CENPH: variants seen among roughly 807,000 people sequenced by gnomAD.
CENPH encodes the protein CENP-H.
In CENPH, 40 loss-of-function variants were observed where a neutral mutation model predicts 42.9. The observed-to-expected ratio is 0.93, with a 90% confidence interval of 0.72 to 1.21. CENPH has a LOEUF of 1.21. CENPH is among the 50% of genes most tolerant of loss of function. CENPH has a pLI of 0.00. For synonymous variants in CENPH, 88 were observed against 96.5 expected, an observed-to-expected ratio of 0.91 and a Z score of 0.52; for missense variants, 302 against 292.9, an observed-to-expected ratio of 1.03 and a Z score of -0.23.
intron 4 of CENPH, 81 bp from the exon 5 acceptor site, chr5:69,196,972 A>G (rs1300474443): frequency 3.5e-6 from 3 of 849,358 alleles, no homozygotes; most frequent in Admixed American, 2.7e-5. Flanking sequence ...AGGGAAATCA[A>G]TCTTTTTCAT....
At position 69,192,963 on chromosome 5, in the gene CENPH, G is replaced by T. The variant is rs144188553; in HGVS notation, c.190+1113G>T. ...AATACAAAATTAGCTGGGCGTGGTG[G>T]TGCATGCCTATAAGCTCAGCTACTC... On this transcript the variant is annotated intron_variant, in intron 2 of 8. Coordinates refer to ENST00000283006, the MANE Select transcript of CENPH (RefSeq NM_022909.4). Among the ~76,000 whole-genome samples, 148 of 140,872 alleles carry T rather than the reference G, an allele frequency of 1.1e-3. 1 individual carries two copies. The highest frequency in any genetic ancestry group is 3.9e-3 in the African/African-American group (144 of 36,484). The allele number at this position is 140,872 out of a possible 152,430, so 92.4% of individuals were successfully genotyped here.
At chr5:69,201,844 C>T (rs1580227808) in intron 5 of CENPH, among the ~76,000 whole-genome samples, 1 of 152,064 alleles carries the variant, frequency 6.6e-6, no homozygotes, top group Non-Finnish European at 1.5e-5. Context: ...GGTGGCAGAG[C>T]GAGACCCTGT....
intron 7 of CENPH, among the ~76,000 whole-genome samples, chr5:69,204,919 C>CTTT (rs375795328): frequency 2.0e-5 from 2 of 99,424 alleles, no homozygotes; most frequent in Non-Finnish European, 2.0e-5. Flanking sequence ...TTTTCTTTTT[C>CTTT]TTTTTTTTTT....
chr5:69,208,005 A>T, intron 7 of CENPH, 191 bp from the exon 8 acceptor site: 1 of 376,966 alleles, frequency 2.7e-6, no homozygotes, highest in South Asian at 4.7e-5. Context: ...CTAAGTACGA[A>T]ATTAAAATAT....
chr5:69,205,071 A>C (rs1377323527), intron 7 of CENPH, among the ~76,000 whole-genome samples: 1 of 150,656 alleles, frequency 6.6e-6, no homozygotes, highest in Non-Finnish European at 1.5e-5. Flanking sequence ...GGCACCCGCC[A>C]CCACGCCCAG....
chr5:69,191,827 A>C lies in CENPH; in HGVS notation c.167A>C (p.Glu56Ala). ...LRAQTKQQLLEYKSMVDASEE... is the reference protein window; with the variant it reads ...LRAQTKQQLLAYKSMVDASEE... ...GCACAGACAAAACAACAACTCTTAG[A>C]ATATAAATCAATGGTTGATGCAAGT... Residue 56 changes from glutamate (E) to alanine (A), a missense_variant, in exon 2 of 9, where the codon GAA (glutamate) becomes GCA (alanine). Transcript: ENST00000283006. 1.3e-6 allele frequency: 2 copies of C among 1,543,630 alleles called. No homozygotes were observed. Among genetic ancestry groups the C allele is most frequent in the South Asian group, 2.2e-5 (2 of 89,464 alleles).
chr5:69,189,711 C>G lies in CENPH; in HGVS notation c.77C>G (p.Pro26Arg). 2 of 1,565,630 alleles carry G rather than the reference C, an allele frequency of 1.3e-6. No individual in the cohort carries two copies. The highest frequency in any genetic ancestry group is 1.2e-5 in the South Asian group (1 of 86,250). The part of the protein sequence containing the change: ...SGGEGRAGGP[P>R]QVAGAQAACS... ...GGGGAAGGCCGGGCAGGCGGGCCAC[C>G]GCAGGTCGCCGGCGCCCAGGCGGCG... is the stretch of plus-strand genomic sequence containing the variant. The change falls in exon 1 of 9, where the codon CCG becomes CGG. Residue 26 changes from proline to arginine, a missense_variant. Physicochemically the swap from Pro to Arg is moderately radical, Grantham distance 103. Transcript: ENST00000283006.
intron 5 of CENPH, among the ~76,000 whole-genome samples, chr5:69,201,010 A>G (rs62371227): frequency 1.3e-5 from 2 of 148,854 alleles, no homozygotes; most frequent in Non-Finnish European, 3.0e-5. Context: ...TTTTTTTTAA[A>G]TAGAGATGTG....
At chr5:69,197,266 T>A in intron 5 of CENPH, 157 bp downstream of exon 5, 1 of 452,954 alleles carries the variant, frequency 2.2e-6, no homozygotes, top group Non-Finnish European at 4.0e-6. Context: ...TTACAGCAAC[T>A]TTTATAGTTC....
chr5:69,207,544 A>G (rs1748179313), intron 7 of CENPH, among the ~76,000 whole-genome samples: 1 of 149,500 alleles, frequency 6.7e-6, no homozygotes, highest in Non-Finnish European at 1.5e-5. Flanking sequence ...GCGGTGGCTC[A>G]CGCCTGTAAT....
chr5:69,208,629 G>A (rs1748198864), intron 8 of CENPH, among the ~76,000 whole-genome samples: 1 of 152,132 alleles, frequency 6.6e-6, no homozygotes, highest in Non-Finnish European at 1.5e-5. Flanking sequence ...AAAGTGCTGG[G>A]ATTACAGGCA....
At chr5:69,198,316 T>G (rs1161359419) in intron 5 of CENPH, among the ~76,000 whole-genome samples, 4 of 151,956 alleles carry the variant, frequency 2.6e-5, no homozygotes. Flanking sequence ...GCACTTTTTT[T>G]TTTTGGAGAC....
rs1039772169 is a variant in CENPH at position 69,189,709 on chromosome 5, A to G, written c.75A>G (p.Pro25=). The stretch of plus-strand genomic sequence containing the variant: ...GAGGGGAAGGCCGGGCAGGCGGGCC[A>G]CCGCAGGTCGCCGGCGCCCAGGCGG... ...DSGGEGRAGG[P]PQVAGAQAAC... The change falls in exon 1 of 9, where the codon CCA becomes CCG. Residue 25 remains proline (P), a synonymous_variant. Transcript: ENST00000283006. 5 of 1,570,258 alleles carry G rather than the reference A, an allele frequency of 3.2e-6. No individual in the cohort carries two copies. The African/African-American group carries it at 6.8e-5, about 21-fold the overall frequency.
rs1197393709 is a variant in CENPH at position 69,209,759 on chromosome 5, A to G, written c.704A>G (p.Glu235Gly). ...TGGGCAGAGGATCCTGCCCTTAAGG[A>G]AATTGTTCTGCAGCTTGAGAAGAAT... The part of the protein sequence containing the change: ...VNWAEDPALK[E>G]IVLQLEKNVD... The change falls in exon 9 of 9, where the codon GAA becomes GGA. Residue 235 changes from glutamate (E) to glycine (G), a missense_variant. Transcript: ENST00000283006. 1.9e-6 allele frequency: 3 copies of G among 1,605,386 alleles called. No homozygotes were observed. The highest frequency in any genetic ancestry group is 1.7e-6 in the Non-Finnish European group (2 of 1,173,948).
At chr5:69,190,778 T>C (rs1201019932) in intron 1 of CENPH, among the ~76,000 whole-genome samples, 1 of 151,966 alleles carries the variant, frequency 6.6e-6, no homozygotes, top group Non-Finnish European at 1.5e-5. Flanking sequence ...TAATCCCAGC[T>C]ACTCAGGAGG....
At chr5:69,208,101 AAAAT>A in intron 7 of CENPH, 91 bp from the exon 8 acceptor site, 1 of 622,924 alleles carries the variant, frequency 1.6e-6, no homozygotes, top group Non-Finnish European at 2.5e-6. Flanking sequence ...TCTCTTGACT[AAAAT>A]AACCAAGAAG....
intron 1 of CENPH, among the ~76,000 whole-genome samples, chr5:69,190,047 C>A (rs1747841351): frequency 1.3e-5 from 2 of 152,128 alleles, no homozygotes; most frequent in African/African-American, 2.4e-5. Flanking sequence ...CTCCTGTTTC[C>A]CCGCCCTCCC....
chr5:69,208,429 A>C, intron 8 of CENPH, 70 bp downstream of exon 8: 14 of 960,280 alleles, frequency 1.5e-5, no homozygotes, highest in Non-Finnish European at 2.2e-5. Context: ...GCTCGATCTC[A>C]GCTCATTGCA....
In CENPH at chr5:69,209,867, C is replaced by T. The variant is rs978193540; in HGVS notation, c.*68C>T. The T allele has an allele frequency of 2.3e-6, 2 of 872,806 alleles. No individual in the cohort carries two copies. The highest frequency in any genetic ancestry group is 3.8e-6 in the Non-Finnish European group (2 of 526,828). 54.1% of individuals were successfully genotyped at this position (872,806 alleles called of 1,614,324 possible). On this transcript the variant is annotated 3_prime_UTR_variant, in exon 9 of 9. Coordinates refer to ENST00000283006, the MANE Select transcript of CENPH (RefSeq NM_022909.4). ...AACTCTTATTTGGAATACTTCTGTG[C>T]ATTTGTCTGTCCACCGTAATTTTAG...
Sources: allele counts gnomAD v4.1 joint callset (sites outside exome capture counted in the v4.1 genomes callset), GRCh38; gene constraint gnomAD v4.1.1; transcripts MANE v1.5; gene names NCBI Gene and HGNC (gene_info 2026-07-23, HGNC 2026-07-21).